The following CEP128 variants were observed in gnomAD, a reference collection of about 807,000 sequenced individuals.
CEP128 encodes centrosomal protein 128.
A neutral mutation model predicts 156.7 loss-of-function variants in CEP128; 132 were observed. The observed-to-expected ratio is 0.84, with a 90% confidence interval of 0.73 to 0.97. CEP128 has a LOEUF of 0.97. Among genes scored for constraint, CEP128 ranks in the 50% least tolerant of loss-of-function variants. The probability of loss-of-function intolerance (pLI) is 0.00; values close to 1 mark genes in which losing one functional copy is unlikely to be tolerated. For missense variants in CEP128, 1,252 were observed against 1,281.9 expected, an observed-to-expected ratio of 0.98 and a Z score of 0.36; for synonymous variants, 469 against 448.9, an observed-to-expected ratio of 1.04 and a Z score of -0.57.
At chr14:80,740,768 A>G (rs1898792562) in intron 19 of CEP128, among the ~76,000 whole-genome samples, 1 of 152,172 alleles carries the variant, frequency 6.6e-6, no homozygotes, top group South Asian at 2.1e-4. Context: ...AGAAACTTTG[A>G]CAATGGCTTA....
intron 13 of CEP128, among the ~76,000 whole-genome samples, chr14:80,804,653 A>C (rs756682505): frequency 1.5e-4 from 23 of 152,112 alleles, no homozygotes; most frequent in Non-Finnish European, 2.8e-4. Flanking sequence ...AAAAACATAT[A>C]TATACATATA....
chr14:80,802,086 G>A (rs1211057392), intron 13 of CEP128, among the ~76,000 whole-genome samples: 1 of 151,998 alleles, frequency 6.6e-6, no homozygotes, highest in Admixed American at 6.6e-5. Context: ...TACACTGTTG[G>A]TAGGAAAGTA....
At chr14:80,576,621 C>T (rs897220489) in intron 20 of CEP128, among the ~76,000 whole-genome samples, 3 of 120,716 alleles carry the variant, frequency 2.5e-5, no homozygotes, top group East Asian at 2.7e-4. Flanking sequence ...GAAATTACTC[C>T]GGCGTGTGTG....
chr14:80,681,638 A>G (rs556487230), intron 19 of CEP128, among the ~76,000 whole-genome samples: 38 of 152,220 alleles, frequency 2.5e-4, no homozygotes, highest in African/African-American at 7.7e-4. Context: ...AAGCATTGTC[A>G]TTTCCTCTTC....
intron 8 of CEP128, among the ~76,000 whole-genome samples, chr14:80,883,327 G>A (rs1195809364): frequency 2.0e-5 from 3 of 151,964 alleles, no homozygotes; most frequent in African/African-American, 7.2e-5. Context: ...CAGATGATAT[G>A]ATCATCTATT....
intron 21 of CEP128, among the ~76,000 whole-genome samples, chr14:80,536,131 G>A (rs918863456): frequency 1.4e-4 from 21 of 152,096 alleles, no homozygotes; most frequent in Non-Finnish European, 2.2e-4. Flanking sequence ...TGACTGCAGG[G>A]AAACCAAATA....
Position 80,768,409 on chromosome 14 carries a change from T to C in CEP128, c.2377-6796A>G, listed in dbSNP as rs570338692. The stretch of plus-strand genomic sequence containing the variant: ...TGTGTGAGAGAATGAGCTGATTCTT[T>C]ACATGTATTTAACAAGCAAAGGAAC... On this transcript the variant is annotated intron_variant, in intron 16 of 24. Transcript: ENST00000555265. Among the ~76,000 whole-genome samples, 3 of 152,308 alleles carry C rather than the reference T, an allele frequency of 2.0e-5. No individual in the cohort carries two copies. The East Asian group carries it at 5.8e-4, about 29-fold the overall frequency.
intron 20 of CEP128, among the ~76,000 whole-genome samples, chr14:80,560,331 A>G (rs1425410447): frequency 6.6e-6 from 1 of 151,372 alleles, no homozygotes; most frequent in African/African-American, 2.4e-5. Flanking sequence ...AGGCTGAGAC[A>G]GGAGAATCAC....
At chr14:80,881,648 G>C (rs969863356) in intron 8 of CEP128, among the ~76,000 whole-genome samples, 1 of 152,128 alleles carries the variant, frequency 6.6e-6, no homozygotes, top group Admixed American at 6.6e-5. Flanking sequence ...CAATATCCTT[G>C]ATGAATACTG....
At chr14:80,488,445 C>T (rs1023974185), downstream of CEP128, among the ~76,000 whole-genome samples, 3 of 151,040 alleles carry the variant, frequency 2.0e-5, no homozygotes, top group African/African-American at 7.3e-5. Context: ...TACCATCTCA[C>T]ACCAGTTAGA....
intron 2 of CEP128, among the ~76,000 whole-genome samples, chr14:80,932,650 GT>G (rs1555364630): frequency 6.6e-6 from 1 of 152,128 alleles, no homozygotes; most frequent in Non-Finnish European, 1.5e-5. Flanking sequence ...GGACTGTCTA[GT>G]TGCAGGAAAA....
chr14:80,533,376 C>T (rs1889320525), intron 21 of CEP128, among the ~76,000 whole-genome samples: 1 of 151,968 alleles, frequency 6.6e-6, no homozygotes, highest in Admixed American at 6.6e-5. Context: ...ATCTTCTGAA[C>T]CAAGGTTAAG....
chr14:80,953,730 T>G (rs772958484), intron 2 of CEP128, among the ~76,000 whole-genome samples: 1 of 152,156 alleles, frequency 6.6e-6, no homozygotes, highest in Non-Finnish European at 1.5e-5. Flanking sequence ...CGAACAAGAT[T>G]TAAAACAGTT....
intron 21 of CEP128, 69 bp from the exon 22 acceptor site, chr14:80,530,955 T>A: frequency 1.0e-6 from 1 of 980,248 alleles, no homozygotes; most frequent in Non-Finnish European, 1.6e-6. Flanking sequence ...ATCCACATAC[T>A]AAAAATCAGA....
chr14:80,702,133 G>A (rs768932814), intron 19 of CEP128, among the ~76,000 whole-genome samples: 11 of 152,156 alleles, frequency 7.2e-5, no homozygotes, highest in Non-Finnish European at 1.6e-4. Context: ...ATTTGTTTTT[G>A]TTTGTTGTCT....
intron 19 of CEP128, among the ~76,000 whole-genome samples, chr14:80,606,225 G>A (rs191958691): frequency 6.6e-6 from 1 of 152,062 alleles, no homozygotes; most frequent in African/African-American, 2.4e-5. Flanking sequence ...ATCTTTAAAG[G>A]CTACTTGTTT....
At chr14:80,869,889 C>A (rs372876581) in intron 8 of CEP128, among the ~76,000 whole-genome samples, 37 of 151,838 alleles carry the variant, frequency 2.4e-4, no homozygotes, top group African/African-American at 7.5e-4. Flanking sequence ...TGACTCAAGT[C>A]AATAAAATCA....
chr14:80,799,262 A>G (rs766302381), intron 13 of CEP128, among the ~76,000 whole-genome samples: 2 of 152,188 alleles, frequency 1.3e-5, no homozygotes, highest in Non-Finnish European at 2.9e-5. Flanking sequence ...TTTCATGGAC[A>G]TTTATCAGTT....
chr14:80,529,351 A>G (rs2197987), intron 22 of CEP128, among the ~76,000 whole-genome samples: 119,236 of 152,130 alleles, frequency 0.78, 49,034 homozygotes, highest in Middle Eastern at 0.9. Flanking sequence ...AGGCATCTTC[A>G]TATGTGAGTC....
Sources: gnomAD v4.1 joint callset for allele counts (sites outside exome capture counted in the v4.1 genomes callset) on GRCh38, gnomAD v4.1.1 for gene constraint, MANE v1.5 for transcripts, NCBI Gene and HGNC (gene_info 2026-07-23, HGNC 2026-07-21) for gene names.